The following MTUS2 variants were observed in gnomAD, a reference collection of about 807,000 sequenced individuals.
The protein encoded by MTUS2 is microtubule-associated tumor suppressor candidate 2.
MTUS2 carries 40 observed loss-of-function variants against 114.1 expected under a neutral mutation model. The observed-to-expected ratio is 0.35, with a 90% CI of 0.27 to 0.46. The LOEUF is 0.46. MTUS2 is among the 20% of genes least tolerant of loss of function. The pLI is 1.00. For synonymous variants in MTUS2, 688 were observed against 672.0 expected, an observed-to-expected ratio of 1.02 and a Z score of -0.37; for missense variants, 1,679 against 1,705.4, an observed-to-expected ratio of 0.98 and a Z score of 0.27.
At chr13:29,125,114 A>C (rs73445117) in intron 5 of MTUS2, among the ~76,000 whole-genome samples, 1 of 152,232 alleles carries the variant, frequency 6.6e-6, no homozygotes, top group African/African-American at 2.4e-5. Context: ...GTTAGAAAAT[A>C]AATTTTAAAT....
At chr13:28,880,851 T>C (rs577307127) in intron 2 of MTUS2, among the ~76,000 whole-genome samples, 3 of 152,222 alleles carry the variant, frequency 2.0e-5, no homozygotes, top group Non-Finnish European at 2.9e-5. Flanking sequence ...AGAAATCTTA[T>C]AAAAGGTGGA....
chr13:29,374,468 C>G (rs529737364), intron 8 of MTUS2, among the ~76,000 whole-genome samples: 1 of 152,276 alleles, frequency 6.6e-6, no homozygotes, highest in South Asian at 2.1e-4. Context: ...CATTACCTAT[C>G]GGGGAACAAC....
intron 5 of MTUS2, among the ~76,000 whole-genome samples, chr13:29,107,987 A>G (rs1365625380): frequency 6.6e-6 from 1 of 152,244 alleles, no homozygotes; most frequent in Admixed American, 6.5e-5. Flanking sequence ...AGGTTAATCA[A>G]TGAAAATGAG....
intron 2 of MTUS2, among the ~76,000 whole-genome samples, chr13:28,952,621 C>G (rs71433295): frequency 0.059 from 8,972 of 152,136 alleles, 320 homozygotes; most frequent in African/African-American, 0.1. Context: ...TTTCCTCTAT[C>G]CCCAGGTAAC....
chr13:29,016,063 C>T (rs922377681), intron 2 of MTUS2, among the ~76,000 whole-genome samples: 4 of 152,168 alleles, frequency 2.6e-5, no homozygotes, highest in African/African-American at 7.2e-5. Flanking sequence ...CGCCACCACA[C>T]CCAGCTAATT....
chr13:29,463,761 G>T (rs558764719), intron 9 of MTUS2, among the ~76,000 whole-genome samples: 36 of 152,322 alleles, frequency 2.4e-4, no homozygotes, highest in African/African-American at 8.4e-4. Flanking sequence ...CACTTCGGGG[G>T]GCCGAGGCGG....
At chr13:29,058,448 C>G (rs552510392) in intron 4 of MTUS2, among the ~76,000 whole-genome samples, 16 of 151,746 alleles carry the variant, frequency 1.1e-4, no homozygotes, top group African/African-American at 3.6e-4. Context: ...TACACAGTTT[C>G]ACATTTCTTG....
intron 2 of MTUS2, among the ~76,000 whole-genome samples, chr13:28,897,606 T>C (rs764475204): frequency 1.4e-4 from 22 of 152,120 alleles, no homozygotes; most frequent in Non-Finnish European, 2.9e-4. Flanking sequence ...CACACATGTA[T>C]GTTTACTGTG....
intron 5 of MTUS2, among the ~76,000 whole-genome samples, chr13:29,160,223 A>G (rs936551650): frequency 2.0e-5 from 3 of 152,230 alleles, no homozygotes; most frequent in Admixed American, 6.5e-5. Context: ...GCACAGGTCC[A>G]CTTATATGTG....
chr13:29,405,695 A>G (rs564281239), intron 8 of MTUS2, among the ~76,000 whole-genome samples: 12 of 152,292 alleles, frequency 7.9e-5, no homozygotes, highest in African/African-American at 2.9e-4. Context: ...CCAAGCAGGC[A>G]TAAAATTATA....
rs9551627 is a variant in MTUS2 at position 29,220,144 on chromosome 13, C to T, written c.2645-61560C>T. On this transcript the variant is annotated intron_variant, in intron 5 of 15. Transcript: ENST00000612955. ...CCAAGTAGCTGGGGTTACAGGCACC[C>T]GCCACCATGACCAGCTGACTTTTTT... Among the ~76,000 whole-genome samples the T allele has an allele frequency of 7.1e-3, 1,085 of 152,162 alleles. 19 individuals carry two copies. The highest frequency in any genetic ancestry group is 0.066 in the East Asian group (341 of 5,162).
intron 1 of MTUS2, among the ~76,000 whole-genome samples, chr13:28,834,625 A>G (rs1874939930): frequency 6.6e-6 from 1 of 152,198 alleles, no homozygotes; most frequent in Non-Finnish European, 1.5e-5. Context: ...GGATTAGGCA[A>G]TATTTTCTTA....
intron 2 of MTUS2, among the ~76,000 whole-genome samples, chr13:28,996,839 C>A (rs1018700604): frequency 4.6e-5 from 7 of 152,028 alleles, no homozygotes; most frequent in Non-Finnish European, 1.0e-4. Flanking sequence ...TTGATCTTTT[C>A]AAAAAACCAG....
intron 5 of MTUS2, among the ~76,000 whole-genome samples, chr13:29,258,538 G>A (rs1300128843): frequency 1.3e-5 from 2 of 152,176 alleles, no homozygotes; most frequent in East Asian, 3.8e-4. Context: ...AGGGGACATG[G>A]CTGTTTGGGA....
At chr13:29,011,210 T>A (rs1885828813) in intron 2 of MTUS2, among the ~76,000 whole-genome samples, 1 of 152,242 alleles carries the variant, frequency 6.6e-6, no homozygotes, top group African/African-American at 2.4e-5. Context: ...GATTTTTATA[T>A]ATTTAAAACA....
At chr13:29,427,306 T>TA (rs372496997) in intron 8 of MTUS2, among the ~76,000 whole-genome samples, 4 of 152,218 alleles carry the variant, frequency 2.6e-5, no homozygotes, top group African/African-American at 9.7e-5. Context: ...TTTGTTTTTT[T>TA]ATAAAACTTT....
chr13:29,466,876 C>CAA (rs11296600), intron 9 of MTUS2, among the ~76,000 whole-genome samples: 1,621 of 87,560 alleles, frequency 0.019, 27 homozygotes, highest in African/African-American at 0.065. Flanking sequence ...GACCTCATCT[C>CAA]AAAAAAAAAA....
chr13:29,036,766 C>CT (rs574893789), intron 4 of MTUS2, among the ~76,000 whole-genome samples: 17 of 150,596 alleles, frequency 1.1e-4, no homozygotes, highest in South Asian at 2.1e-4. Flanking sequence ...ATGTAATGCC[C>CT]TTTTTTATCT....
In MTUS2 at chr13:29,024,672, G is replaced by C. The variant is rs761422659; in HGVS notation, c.-27G>C. The C allele has an allele frequency of 1.2e-6, 2 of 1,607,784 alleles. No individual in the cohort carries two copies. Among genetic ancestry groups the C allele is most frequent in the African/African-American group, 2.7e-5 (2 of 74,798 alleles). ...CATTTCCATTAAGTAGGACTGCATG[G>C]CAAGCAGCCCCACCAAAGGGTTGAC... On this transcript the variant is annotated 5_prime_UTR_variant, in exon 3 of 16. Coordinates refer to ENST00000612955, the MANE Select transcript of MTUS2 (RefSeq NM_001033602.4).
Sources: allele counts gnomAD v4.1 joint callset (sites outside exome capture counted in the v4.1 genomes callset), GRCh38; gene constraint gnomAD v4.1.1; transcripts MANE v1.5; gene names NCBI Gene and HGNC (gene_info 2026-07-23, HGNC 2026-07-21).